The following OPA1 variants were observed in gnomAD, a reference collection of about 807,000 sequenced individuals.
OPA1 encodes dynamin-like GTPase OPA1, mitochondrial.
Under a neutral mutation model 152.9 loss-of-function variants are expected in OPA1, and 59 were observed. The observed-to-expected ratio is 0.39, with a 90% CI of 0.31 to 0.48. OPA1 has a LOEUF of 0.48. Among genes scored for constraint, OPA1 ranks in the 20% least tolerant of loss-of-function variants. The pLI is 0.96. For missense variants in OPA1, 1,008 were observed against 1,216.8 expected, an observed-to-expected ratio of 0.83 and a Z score of 2.55; for synonymous variants, 400 against 389.9, an observed-to-expected ratio of 1.03 and a Z score of -0.31.
In OPA1 at chr3:193,659,596, A is replaced by G. The variant is rs769809842; in HGVS notation, c.2520+35A>G. On this transcript the variant is annotated intron_variant, in intron 25 of 30. Transcript: ENST00000361510. ...AACAAGTCTCTAGTCTTATGATGAT[A>G]TAATTTTGTTCATTTTAATTCAGGC... 3.0e-5 allele frequency: 46 copies of G among 1,553,646 alleles called. No homozygotes were observed. The African/African-American group carries it at 4.8e-4, about 16-fold the overall frequency.
At chr3:193,636,369 T>A (rs1732939326) in intron 9 of OPA1, among the ~76,000 whole-genome samples, 1 of 57,872 alleles carries the variant, frequency 1.7e-5, no homozygotes, top group Non-Finnish European at 4.0e-5. Context: ...TAAAATGCAG[T>A]GGCAATTAAC....
chr3:193,651,826 AAG>A (rs1712539299), intron 21 of OPA1, among the ~76,000 whole-genome samples: 1 of 152,134 alleles, frequency 6.6e-6, no homozygotes, highest in Admixed American at 6.5e-5. Flanking sequence ...TATCTTATAA[AAG>A]AGGAACTATG....
At position 193,695,437 on chromosome 3, in the gene OPA1, C is replaced by T. The variant is rs1275896764; in HGVS notation, c.*837C>T. On this transcript the variant is annotated 3_prime_UTR_variant, in exon 31 of 31. Coordinates refer to ENST00000361510, the MANE Select transcript of OPA1 (RefSeq NM_130837.3). ...TTAAGGATAATCAATTGACTAATTTCATTTAGAATATTATCAAACATTTCA... is the reference window on the plus strand; with the variant it reads ...TTAAGGATAATCAATTGACTAATTTTATTTAGAATATTATCAAACATTTCA... 6.6e-6 allele frequency: 1 copy of T among 152,162 alleles called. No individual in the cohort carries two copies. Among genetic ancestry groups the T allele is most frequent in the Non-Finnish European group, 1.5e-5 (1 of 68,036 alleles). 9.4% of individuals were successfully genotyped at this position (152,162 alleles called of 1,614,324 possible).
chr3:193,621,661 A>G (rs893364353), intron 6 of OPA1, among the ~76,000 whole-genome samples: 1 of 152,206 alleles, frequency 6.6e-6, no homozygotes, highest in African/African-American at 2.4e-5. Context: ...TTAACCTTAC[A>G]CTACTATCTT....
intron 29 of OPA1, chr3:193,669,000 T>C (rs1218570470): frequency 2.9e-6 from 1 of 340,296 alleles, no homozygotes; most frequent in Non-Finnish European, 4.2e-6. Context: ...TATCTTTTTC[T>C]TTCAACGTGT....
chr3:193,601,685 T>C (rs1029859206), intron 1 of OPA1, among the ~76,000 whole-genome samples: 9 of 152,162 alleles, frequency 5.9e-5, no homozygotes, highest in Non-Finnish European at 1.2e-4. Flanking sequence ...AAATCTTGAG[T>C]ATGTGATGCC....
rs147242797 is a variant in OPA1 at position 193,635,495 on chromosome 3, C to A, written c.921C>A (p.Asp307Glu). ...ELRKLVLQKD[D>E]KGIHHRKLKK... ...GAAAATTAGTATTGCAGAAAGATGA[C>A]AAAGGCATTCATCATAGAAAGCTTA... The change falls in exon 9 of 31, where the codon GAC (aspartate) becomes GAA (glutamate). Residue 307 changes from aspartate (D) to glutamate (E), a missense_variant. This residue lies in a region of OPA1 where 408 missense variants were observed against 395.1 expected (regional missense o/e 1.03). Coordinates refer to ENST00000361510, the MANE Select transcript of OPA1 (RefSeq NM_130837.3). The A allele has an allele frequency of 6.2e-7, 1 of 1,603,406 alleles. No individual in the cohort carries two copies. Among genetic ancestry groups the A allele is most frequent in the Admixed American group, 1.7e-5 (1 of 59,982 alleles).
chr3:193,649,519 A>G (rs966348359), intron 21 of OPA1, among the ~76,000 whole-genome samples: 1 of 152,174 alleles, frequency 6.6e-6, no homozygotes, highest in Admixed American at 6.5e-5. Context: ...CAAATTCCTC[A>G]TGCAGAAATT....
At chr3:193,645,842 G>A in intron 18 of OPA1, 42 bp downstream of exon 18, 5 of 1,434,768 alleles carry the variant, frequency 3.5e-6, no homozygotes, top group Non-Finnish European at 4.9e-6. Flanking sequence ...TACAGTAAGA[G>A]AGTAGCTTAA....
At chr3:193,597,225 C>CA (rs1725742593) in intron 1 of OPA1, among the ~76,000 whole-genome samples, 1 of 151,968 alleles carries the variant, frequency 6.6e-6, no homozygotes, top group Non-Finnish European at 1.5e-5. Context: ...AATGAGTGGC[C>CA]AGTGAGATAG....
At position 193,618,939 on chromosome 3, in the gene OPA1, A is replaced by AAAG; in HGVS notation, c.678+4_678+5insAGA. On this transcript the variant is annotated splice_donor_region_variant and intron_variant, in intron 6 of 30. Transcript: ENST00000361510. The stretch of plus-strand genomic sequence containing the variant: ...AAAGTGACAAGCATTTTAGAAAGGT[A>AAAG]AGTGTAAAAGAGAATTGTTCATGTA... The AAAG allele has an allele frequency of 6.2e-7, 1 of 1,610,170 alleles. No individual in the cohort carries two copies. The highest frequency in any genetic ancestry group is 2.2e-5 in the East Asian group (1 of 44,830).
At position 193,625,776 on chromosome 3, in the gene OPA1, TA is replaced by T. The variant is rs35044042; in HGVS notation, c.679-301del. On this transcript the variant is annotated intron_variant, in intron 6 of 30. Coordinates refer to ENST00000361510, the MANE Select transcript of OPA1 (RefSeq NM_130837.3). ...TTTAGACCAGTAAGATCAACACTGT[TA>T]AAAAAAAAAAAAAATCAGTATTTTT... is the stretch of plus-strand genomic sequence containing the variant. Among the ~76,000 whole-genome samples, 973 of 142,538 alleles carry T rather than the reference TA, an allele frequency of 6.8e-3. 3 individuals are homozygous for T. The highest frequency in any genetic ancestry group is 0.021 in the East Asian group (103 of 5,006). 93.5% of individuals were successfully genotyped at this position (142,538 alleles called of 152,430 possible).
In OPA1 at chr3:193,645,374, G is replaced by A. The variant is rs2291373; in HGVS notation, c.1609-179G>A. ...TGTGTTTTAATAATACATTTTCAATGTAGTAAAATTAAATGTATTTTTTTC... is the reference window on the plus strand; with the variant it reads ...TGTGTTTTAATAATACATTTTCAATATAGTAAAATTAAATGTATTTTTTTC... On this transcript the variant is annotated intron_variant, in intron 16 of 30. Coordinates refer to ENST00000361510, the MANE Select transcript of OPA1 (RefSeq NM_130837.3). Among the ~76,000 whole-genome samples the A allele has an allele frequency of 0.47, 70,872 of 152,018 alleles. 16,788 individuals are homozygous for A. Among genetic ancestry groups the A allele is most frequent in the Non-Finnish European group, 0.47 (31,733 of 67,960 alleles).
chr3:193,618,924 G>T lies in OPA1; in HGVS notation c.666G>T (p.Lys222Asn). 1 of 1,613,390 alleles carries T rather than the reference G, an allele frequency of 6.2e-7. No individual in the cohort carries two copies. Among genetic ancestry groups the T allele is most frequent in the Non-Finnish European group, 8.5e-7 (1 of 1,179,358 alleles). Residue 222 changes from lysine (K) to asparagine (N), a missense_variant, in exon 6 of 31, where the codon AAG becomes AAT. Physicochemically the swap from Lys to Asn is moderately conservative, Grantham distance 94 (BLOSUM62 0). Transcript: ENST00000361510. ...RATDRGSESD[K>N]HFRKGLLGEL... ...CAGATCGTGGATCTGAAAGTGACAA[G>T]CATTTTAGAAAGGTAAGTGTAAAAG...
chr3:193,645,918 T>C (rs983167906), intron 18 of OPA1, 118 bp downstream of exon 18: 3 of 868,738 alleles, frequency 3.5e-6, no homozygotes, highest in Admixed American at 2.6e-5. Context: ...ATTTCTAGAA[T>C]TTTTCCCAAA....
chr3:193,648,527 A>T (rs2109081645), intron 20 of OPA1: 1 of 431,120 alleles, frequency 2.3e-6, no homozygotes, highest in Non-Finnish European at 4.2e-6. Flanking sequence ...ATTAATATGT[A>T]TTGATGCTTT....
intron 18 of OPA1, 55 bp downstream of exon 18, chr3:193,645,855 T>C: frequency 7.4e-7 from 1 of 1,342,654 alleles, no homozygotes; most frequent in Admixed American, 1.7e-5. Flanking sequence ...TAGCTTAAAT[T>C]GAACTGTTTT....
intron 28 of OPA1, 116 bp from the exon 29 acceptor site, chr3:193,667,054 T>G: frequency 3.0e-6 from 2 of 664,580 alleles, no homozygotes; most frequent in Non-Finnish European, 2.7e-6. Flanking sequence ...TGAAAAGTAT[T>G]AGCAATAGTT....
At chr3:193,637,821 G>A (rs1433736925) in intron 10 of OPA1, 131 bp from the exon 11 acceptor site, 8 of 771,410 alleles carry the variant, frequency 1.0e-5, no homozygotes, top group Middle Eastern at 2.5e-4. Context: ...ATTTTTTTAC[G>A]GATTTTAAAA....
Sources: allele counts gnomAD v4.1 joint callset (sites outside exome capture counted in the v4.1 genomes callset), GRCh38; gene constraint gnomAD v4.1.1; regional missense constraint gnomAD v4.1.1; transcripts MANE v1.5; gene names NCBI Gene and HGNC (gene_info 2026-07-23, HGNC 2026-07-21).